The following ADAM9 variants were observed in gnomAD, a reference collection of about 807,000 sequenced individuals.
ADAM9 encodes ADAM metallopeptidase domain 9.
In ADAM9, 54 loss-of-function variants were observed where a neutral mutation model predicts 108.1. That is an observed-to-expected ratio of 0.50 (90% CI 0.40 to 0.63). The LOEUF is 0.63. Among genes scored for constraint, ADAM9 ranks in the 20% least tolerant of loss-of-function variants. The probability of loss-of-function intolerance (pLI) is 0.00; values close to 1 mark genes in which losing one functional copy is unlikely to be tolerated. For missense variants in ADAM9, 830 were observed against 997.7 expected, an observed-to-expected ratio of 0.83 and a Z score of 2.26; for synonymous variants, 316 against 336.0, an observed-to-expected ratio of 0.94 and a Z score of 0.65.
chr8:39,010,148 G>A (rs1265932079), intron 2 of ADAM9, among the ~76,000 whole-genome samples: 3 of 152,058 alleles, frequency 2.0e-5, no homozygotes, highest in Non-Finnish European at 4.4e-5. Context: ...AAGACTAGAA[G>A]GAGGGGGGTG....
chr8:38,998,493 CCTGATGGTCTTTAA>C (rs1835896590), intron 1 of ADAM9, among the ~76,000 whole-genome samples: 2 of 151,986 alleles, frequency 1.3e-5, no homozygotes, highest in South Asian at 4.1e-4. Context: ...AGTGGAATAT[CCTGATGGTCTTTAA>C]CTGTGGTTTT....
chr8:38,997,841 G>A (rs559442913), intron 1 of ADAM9, among the ~76,000 whole-genome samples: 30 of 152,252 alleles, frequency 2.0e-4, no homozygotes, highest in Non-Finnish European at 3.8e-4. Flanking sequence ...TGTTAAATCC[G>A]GACAGATAAT....
chr8:39,007,861 A>G (rs374865007), intron 1 of ADAM9, 25 bp from the exon 2 acceptor site: 15 of 1,500,352 alleles, frequency 1.0e-5, no homozygotes, highest in Non-Finnish European at 1.4e-5. Flanking sequence ...TTCACTTATT[A>G]TATTTGTTTT....
At chr8:39,045,422 A>G (rs1588378552) in intron 12 of ADAM9, among the ~76,000 whole-genome samples, 2 of 77,242 alleles carry the variant, frequency 2.6e-5, no homozygotes, top group African/African-American at 4.4e-5. Flanking sequence ...GCGTGTGTAC[A>G]CACACCTATA....
At chr8:39,091,478 G>A in intron 20 of ADAM9, 132 bp downstream of exon 20, 1 of 858,800 alleles carries the variant, frequency 1.2e-6, no homozygotes, top group Non-Finnish European at 1.8e-6. Context: ...TATTGTAGGT[G>A]GTCCCTGAGT....
At chr8:39,105,258 CAAAT>C in exon 22 of ADAM9, 1 of 419,790 alleles carries the variant, frequency 2.4e-6, no homozygotes, top group Non-Finnish European at 4.6e-6. Context: ...TGAGCAATCT[CAAAT>C]GAAGGTCCAT....
intron 16 of ADAM9, 106 bp downstream of exon 16, chr8:39,077,517 C>G: frequency 9.1e-7 from 1 of 1,104,010 alleles, no homozygotes; most frequent in Non-Finnish European, 1.3e-6. Context: ...AATCTAAATT[C>G]ATTATAGAAA....
intron 1 of ADAM9, among the ~76,000 whole-genome samples, chr8:39,007,631 T>C (rs1420758015): frequency 6.6e-6 from 1 of 152,258 alleles, no homozygotes; most frequent in Admixed American, 6.5e-5. Flanking sequence ...GATTGCTATG[T>C]ATATTTATAA....
intron 20 of ADAM9, among the ~76,000 whole-genome samples, chr8:39,093,644 G>A (rs909178946): frequency 2.6e-5 from 4 of 152,168 alleles, no homozygotes; most frequent in African/African-American, 7.2e-5. Flanking sequence ...AGTGGTAGGA[G>A]TGGACATCCT....
Position 39,017,241 on chromosome 8 carries a change from G to T in ADAM9, c.433G>T (p.Ala145Ser), listed in dbSNP as rs746892453. 6.2e-7 allele frequency: 1 copy of T among 1,614,150 alleles called. No homozygotes were observed. The highest frequency in any genetic ancestry group is 8.5e-7 in the Non-Finnish European group (1 of 1,180,014). Residue 145 changes from alanine (A) to serine (S), a missense_variant, in exon 6 of 22, where the codon GCG becomes TCG. Ala to Ser is a moderately conservative substitution (Grantham distance 99). Around this residue, in one of 3 missense-constraint regions of ADAM9, gnomAD observed 211 missense variants for 222.2 expected, o/e 0.95. Coordinates refer to ENST00000487273, the MANE Select transcript of ADAM9 (RefSeq NM_003816.3). The part of the protein sequence containing the change: ...GLRGLLHLEN[A>S]SYGIEPLQNS... ...CAGAGGATTGCTGCATTTAGAGAATGCGAGTTATGGGATTGAACCCCTGCA... is the reference window on the plus strand; with the variant it reads ...CAGAGGATTGCTGCATTTAGAGAATTCGAGTTATGGGATTGAACCCCTGCA...
rs548601098 is a variant in ADAM9 at position 39,003,876 on chromosome 8, GA to G, written c.98-4003del. Reference sequence around the variant, plus strand: ...AATTGTGTTTAAAATGGAAAAGAAGGAAAAAAAGTTACGTATAATCTTCCTA... The same window carrying G: ...AATTGTGTTTAAAATGGAAAAGAAGGAAAAAAGTTACGTATAATCTTCCTA... On this transcript the variant is annotated intron_variant, in intron 1 of 21. Coordinates refer to ENST00000487273, the MANE Select transcript of ADAM9 (RefSeq NM_003816.3). Among the ~76,000 whole-genome samples, 239 of 151,998 alleles carry G rather than the reference GA, an allele frequency of 1.6e-3. 1 individual carries two copies. Among genetic ancestry groups the G allele is most frequent in the South Asian group, 3.1e-3 (15 of 4,808 alleles).
intron 1 of ADAM9, among the ~76,000 whole-genome samples, chr8:39,006,828 A>C (rs1433901812): frequency 1.3e-5 from 2 of 152,204 alleles, no homozygotes; most frequent in Non-Finnish European, 2.9e-5. Context: ...AGAGCTCTTA[A>C]CTGTTAAGAA....
At chr8:39,051,558 T>TG (rs757265812) in intron 12 of ADAM9, among the ~76,000 whole-genome samples, 5 of 152,204 alleles carry the variant, frequency 3.3e-5, no homozygotes, top group Non-Finnish European at 7.3e-5. Context: ...TATATACACA[T>TG]GGGGAGTGTA....
chr8:39,071,089 C>G (rs972000877), intron 14 of ADAM9, among the ~76,000 whole-genome samples: 2 of 151,980 alleles, frequency 1.3e-5, no homozygotes, highest in African/African-American at 2.4e-5. Context: ...CTTTTAAGTA[C>G]AACTTAAGAT....
chr8:39,032,618 G>A (rs1837133868), intron 11 of ADAM9, among the ~76,000 whole-genome samples: 1 of 152,242 alleles, frequency 6.6e-6, no homozygotes, highest in African/African-American at 2.4e-5. Context: ...CTGACCTCTT[G>A]TGCTTCCTGG....
In ADAM9 at chr8:39,042,098, G is replaced by A. The variant is rs1344694175; in HGVS notation, c.1283G>A (p.Cys428Tyr). The A allele has an allele frequency of 6.2e-7, 1 of 1,613,910 alleles. No individual in the cohort carries two copies. Among genetic ancestry groups the A allele is most frequent in the Non-Finnish European group, 8.5e-7 (1 of 1,179,906 alleles). ...GNKLVDAGEE[C>Y]DCGTPKECEL... ...AAGTTGGTGGACGCTGGGGAAGAGTGTGACTGTGGTACTCCAAAGGTCAGT... is the reference window on the plus strand; with the variant it reads ...AAGTTGGTGGACGCTGGGGAAGAGTATGACTGTGGTACTCCAAAGGTCAGT... Residue 428 changes from cysteine to tyrosine, a missense_variant, in exon 12 of 22, where the codon TGT becomes TAT. Around this residue, in one of 3 missense-constraint regions of ADAM9, gnomAD observed 381 missense variants for 539.8 expected, o/e 0.71. Coordinates refer to ENST00000487273, the MANE Select transcript of ADAM9 (RefSeq NM_003816.3).
intron 16 of ADAM9, among the ~76,000 whole-genome samples, chr8:39,077,773 C>A (rs1588417125): frequency 6.6e-6 from 1 of 152,168 alleles, no homozygotes; most frequent in African/African-American, 2.4e-5. Flanking sequence ...TGCCCATGTT[C>A]CTGACCACCT....
chr8:39,046,251 T>C (rs1248066125), intron 12 of ADAM9, among the ~76,000 whole-genome samples: 1 of 152,232 alleles, frequency 6.6e-6, no homozygotes, highest in Admixed American at 6.5e-5. Context: ...TTTGTTTCCT[T>C]AATTTCCTTT....
chr8:39,091,518 T>A (rs185326138), intron 20 of ADAM9, among the ~76,000 whole-genome samples, 172 bp downstream of exon 20: 1 of 152,252 alleles, frequency 6.6e-6, no homozygotes, highest in East Asian at 1.9e-4. Context: ...GACAGAGCCT[T>A]GCTCTGTTGC....
Sources: allele counts gnomAD v4.1 joint callset (sites outside exome capture counted in the v4.1 genomes callset), GRCh38; gene constraint gnomAD v4.1.1; regional missense constraint gnomAD v4.1.1; transcripts MANE v1.5; gene names NCBI Gene and HGNC (gene_info 2026-07-23, HGNC 2026-07-21).